ROBO2: variants seen among roughly 807,000 people sequenced by gnomAD.
The protein encoded by ROBO2 is roundabout guidance receptor 2, also known as roundabout homolog 2.
ROBO2 carries 53 observed loss-of-function variants against 160.8 expected under a neutral mutation model. That is an observed-to-expected ratio of 0.33 (90% CI 0.26 to 0.41). The LOEUF (loss-of-function observed/expected upper bound fraction) is 0.41. Ranked by LOEUF, ROBO2 falls within the 10% of genes least tolerant of loss-of-function variation. The probability of loss-of-function intolerance (pLI) is 1.00; values close to 1 mark genes in which losing one functional copy is unlikely to be tolerated. For synonymous variants in ROBO2, 664 were observed against 611.7 expected, an observed-to-expected ratio of 1.09 and a Z score of -1.26; for missense variants, 1,577 against 1,722.4, an observed-to-expected ratio of 0.92 and a Z score of 1.49.
At chr3:75,965,225 T>C (rs1019576209) in intron 2 of ROBO2, among the ~76,000 whole-genome samples, 1 of 151,772 alleles carries the variant, frequency 6.6e-6, no homozygotes, top group Non-Finnish European at 1.5e-5. Context: ...CTTTCTGAAA[T>C]GTAGTCATAT....
At chr3:76,340,748 T>C (rs1318927026) in intron 2 of ROBO2, among the ~76,000 whole-genome samples, 1 of 152,162 alleles carries the variant, frequency 6.6e-6, no homozygotes, top group South Asian at 2.1e-4. Context: ...ATAAATAAGA[T>C]GTCAATGCTG....
chr3:77,219,484 A>ATATATATATATATGT (rs10654898), intron 2 of ROBO2, among the ~76,000 whole-genome samples: 7 of 90,706 alleles, frequency 7.7e-5, no homozygotes, highest in Admixed American at 1.2e-4. Flanking sequence ...ATATATATAT[A>ATATATATATATATGT]ATCTGTATAT....
intron 2 of ROBO2, among the ~76,000 whole-genome samples, chr3:76,322,163 CGTATATATAT>C (rs1474118761): frequency 1.6e-3 from 63 of 40,154 alleles, no homozygotes; most frequent in Non-Finnish European, 2.6e-3. Context: ...CTACTTCTTC[CGTATATATAT>C]ATATATATAT....
intron 2 of ROBO2, among the ~76,000 whole-genome samples, chr3:77,208,786 A>G (rs138161095): frequency 2.7e-4 from 41 of 152,298 alleles, no homozygotes; most frequent in African/African-American, 9.6e-4. Context: ...GAAAACCGAT[A>G]TGGTTGGTCA....
chr3:76,108,031 C>T (rs2070025326), intron 2 of ROBO2, among the ~76,000 whole-genome samples: 1 of 151,962 alleles, frequency 6.6e-6, no homozygotes, highest in Non-Finnish European at 1.5e-5. Flanking sequence ...GATGTGGTAC[C>T]TGTATTATAT....
chr3:76,466,124 A>G (rs1366099070), intron 2 of ROBO2, among the ~76,000 whole-genome samples: 3 of 151,874 alleles, frequency 2.0e-5, no homozygotes, highest in Non-Finnish European at 4.4e-5. Context: ...CCTATATTGC[A>G]TGCCCAATAA....
intron 2 of ROBO2, among the ~76,000 whole-genome samples, chr3:76,773,586 T>A (rs922233203): frequency 2.7e-5 from 4 of 150,580 alleles, no homozygotes; most frequent in South Asian, 2.1e-4. Flanking sequence ...AATTTTTTTT[T>A]AATTTTGCAG....
chr3:76,467,142 T>A (rs1368979658), intron 2 of ROBO2, among the ~76,000 whole-genome samples: 1 of 152,120 alleles, frequency 6.6e-6, no homozygotes, highest in East Asian at 1.9e-4. Context: ...TTGTGTTAGA[T>A]GTCTAAATCC....
chr3:77,186,118 T>A (rs1166519778), intron 2 of ROBO2, among the ~76,000 whole-genome samples: 1 of 151,904 alleles, frequency 6.6e-6, no homozygotes, highest in East Asian at 1.9e-4. Flanking sequence ...AATCTCACCA[T>A]CACCGTGAAA....
intron 2 of ROBO2, among the ~76,000 whole-genome samples, chr3:77,350,809 CG>C (rs2068247522): frequency 6.6e-6 from 1 of 152,118 alleles, no homozygotes; most frequent in South Asian, 2.1e-4. Context: ...AACAGCTACA[CG>C]GAACTGGACA....
At chr3:76,909,883 A>T (rs940433952) in intron 2 of ROBO2, among the ~76,000 whole-genome samples, 1 of 152,256 alleles carries the variant, frequency 6.6e-6, no homozygotes, top group African/African-American at 2.4e-5. Context: ...GAGACAGAAC[A>T]ACATGAAGAA....
intron 1 of ROBO2, among the ~76,000 whole-genome samples, chr3:77,097,095 A>G (rs770640941): frequency 1.5e-4 from 23 of 152,078 alleles, no homozygotes; most frequent in Non-Finnish European, 4.4e-5. Flanking sequence ...GAATAGTCAT[A>G]CCCCTGAGCA....
intron 1 of ROBO2, among the ~76,000 whole-genome samples, chr3:77,041,553 C>T (rs763984322): frequency 1.3e-5 from 2 of 152,200 alleles, no homozygotes; most frequent in Non-Finnish European, 2.9e-5. Flanking sequence ...CCACAGCATT[C>T]TGCCTCTGAT....
chr3:77,533,213 C>G lies in ROBO2; in HGVS notation c.934+10311C>G, dbSNP rs531910887. Among the ~76,000 whole-genome samples, 17 of 152,130 alleles carry G rather than the reference C, an allele frequency of 1.1e-4. No homozygotes were observed. In the South Asian group the frequency reaches 3.3e-3, roughly 30 times the overall value. ...ACTAGGCCTGGTGATACAGAATCACCCTTTTTAAGTTATGAGGGGTGTGCA... is the reference window on the plus strand; with the variant it reads ...ACTAGGCCTGGTGATACAGAATCACGCTTTTTAAGTTATGAGGGGTGTGCA... On this transcript the variant is annotated intron_variant, in intron 6 of 25. Transcript: ENST00000461745.
intron 2 of ROBO2, among the ~76,000 whole-genome samples, chr3:76,931,550 G>GACACACACAC (rs148001909): frequency 0.21 from 31,758 of 150,508 alleles, 3,864 homozygotes; most frequent in East Asian, 0.39. Flanking sequence ...TGCTTTATAA[G>GACACACACAC]ACACATACAC....
At chr3:76,623,135 TAAC>T in intron 2 of ROBO2, among the ~76,000 whole-genome samples, 1 of 152,214 alleles carries the variant, frequency 6.6e-6, no homozygotes, top group East Asian at 1.9e-4. Flanking sequence ...TGCGACTGAA[TAAC>T]AAAACTTTAG....
intron 2 of ROBO2, among the ~76,000 whole-genome samples, chr3:76,917,591 A>G (rs1017565041): frequency 2.6e-5 from 4 of 152,146 alleles, no homozygotes; most frequent in East Asian, 1.9e-4. Context: ...TTGTTTTTGG[A>G]TTCTATAACA....
chr3:77,498,731 G>A (rs12489432), intron 5 of ROBO2, among the ~76,000 whole-genome samples: 18,808 of 151,922 alleles, frequency 0.12, 1,209 homozygotes, highest in East Asian at 0.2. Flanking sequence ...CTGGGACACA[G>A]AGATGCTGAA....
At chr3:77,079,641 A>T (rs1237837170) in intron 1 of ROBO2, among the ~76,000 whole-genome samples, 1 of 152,192 alleles carries the variant, frequency 6.6e-6, no homozygotes, top group Non-Finnish European at 1.5e-5. Context: ...ATATGTTCTT[A>T]GTCCCTTCTT....
Sources: gnomAD v4.1 joint callset for allele counts (sites outside exome capture counted in the v4.1 genomes callset) on GRCh38, gnomAD v4.1.1 for gene constraint, MANE v1.5 for transcripts, NCBI Gene and HGNC (gene_info 2026-07-23, HGNC 2026-07-21) for gene names.